Variants in TTK observed in about 807,000 individuals in gnomAD.
TTK encodes dual specificity protein kinase TTK.
In TTK, 59 loss-of-function variants were observed where a neutral mutation model predicts 117.3. The observed-to-expected ratio is 0.50, with a 90% CI of 0.41 to 0.62. The LOEUF (loss-of-function observed/expected upper bound fraction) is 0.62, where lower values mean the gene tolerates loss of function less well. Among genes scored for constraint, TTK ranks in the 20% least tolerant of loss-of-function variants. TTK has a pLI of 0.00. For synonymous variants in TTK, 302 were observed against 325.0 expected (o/e 0.93, Z 0.76); for missense variants, 921 against 989.4 (o/e 0.93, Z 0.93).
chr6:80,016,570 C>A (rs1436562088), intron 10 of TTK, among the ~76,000 whole-genome samples: 1 of 151,954 alleles, frequency 6.6e-6, no homozygotes, highest in East Asian at 1.9e-4. Flanking sequence ...GTTGGTTTTT[C>A]TTTCTTTTTC....
At chr6:80,031,423 T>C in intron 13 of TTK, 44 bp from the exon 14 acceptor site, 1 of 1,189,794 alleles carries the variant, frequency 8.4e-7, no homozygotes, top group Non-Finnish European at 1.1e-6. Context: ...GCTAGTTTCT[T>C]AGGTATATTG....
chr6:80,031,077 A>C (rs78130963), intron 13 of TTK, among the ~76,000 whole-genome samples: 2,620 of 151,494 alleles, frequency 0.017, 64 homozygotes, highest in African/African-American at 0.06. Flanking sequence ...ATGCAGCTAT[A>C]ATTATGTGTG....
chr6:80,007,259 G>T (rs560963045), intron 2 of TTK, among the ~76,000 whole-genome samples: 16 of 152,180 alleles, frequency 1.1e-4, no homozygotes, highest in African/African-American at 3.9e-4. Flanking sequence ...AGAAGAAAAT[G>T]ATTGTCTCAT....
At chr6:80,019,400 C>T (rs1464733940) in intron 10 of TTK, among the ~76,000 whole-genome samples, 1 of 152,192 alleles carries the variant, frequency 6.6e-6, no homozygotes, top group Non-Finnish European at 1.5e-5. Flanking sequence ...CTGAAACATG[C>T]TTTCCCATAA....
intron 19 of TTK, 104 bp from the exon 20 acceptor site, chr6:80,040,091 TA>T: frequency 9.4e-6 from 10 of 1,062,576 alleles, no homozygotes; most frequent in Non-Finnish European, 1.3e-5. Flanking sequence ...GTGGGATATC[TA>T]AAAAGTAACT....
intron 6 of TTK, 22 bp from the exon 7 acceptor site, chr6:80,011,707 G>A (rs1767161179): frequency 6.2e-7 from 1 of 1,610,072 alleles, no homozygotes; most frequent in Admixed American, 1.7e-5. Context: ...TGAAAAATTG[G>A]GGGTATTTTC....
chr6:80,015,382 A>G (rs1767280386), intron 10 of TTK, among the ~76,000 whole-genome samples: 1 of 152,192 alleles, frequency 6.6e-6, no homozygotes, highest in Non-Finnish European at 1.5e-5. Context: ...CATTAAAGAT[A>G]TTTAAACAGA....
intron 10 of TTK, 117 bp from the exon 11 acceptor site, chr6:80,022,207 C>T: frequency 8.8e-7 from 1 of 1,140,444 alleles, no homozygotes; most frequent in East Asian, 2.6e-5. Context: ...TTCTCTCCCT[C>T]CTTGATTGTT....
rs571055947 is a variant in TTK at position 80,030,236 on chromosome 6, T to C, written c.1522-1231T>C. On this transcript the variant is annotated intron_variant, in intron 13 of 21. Coordinates refer to ENST00000369798, the MANE Select transcript of TTK (RefSeq NM_003318.5). Reference sequence around the variant, plus strand: ...GGAGGTCTTTTTGTTTCACCTTCTTTATCAGCTCAGAATAAGTCCTCTCAG... The same window carrying C: ...GGAGGTCTTTTTGTTTCACCTTCTTCATCAGCTCAGAATAAGTCCTCTCAG... Among the ~76,000 whole-genome samples the C allele has an allele frequency of 1.6e-3, 250 of 152,324 alleles. 1 individual carries two copies. Among genetic ancestry groups the C allele is most frequent in the Non-Finnish European group, 2.0e-3 (134 of 68,016 alleles).
Position 80,039,810 on chromosome 6 carries a change from G to C in TTK, c.2245G>C (p.Asp749His). The change falls in exon 19 of 22, where the codon GAT becomes CAT. Residue 749 changes from aspartate (D) to histidine (H), a missense_variant. By Grantham distance (81) the Asp-to-His change is moderately conservative. Transcript: ENST00000369798. ...NQISKLHAII[D>H]PNHEIEFPDI... ...GATTTCTAAATTACATGCCATAATT[G>C]ATCCTAATCATGAAATTGAATTTCC... is the stretch of plus-strand genomic sequence containing the variant. 6.3e-7 allele frequency: 1 copy of C among 1,587,066 alleles called. No homozygotes were observed. Among genetic ancestry groups the C allele is most frequent in the Non-Finnish European group, 8.6e-7 (1 of 1,168,118 alleles).
intron 4 of TTK, among the ~76,000 whole-genome samples, 196 bp downstream of exon 4, chr6:80,008,688 A>G (rs1767060970): frequency 6.6e-6 from 1 of 152,180 alleles, no homozygotes. Context: ...TTCCATGTAT[A>G]AAGAGTAATC....
intron 16 of TTK, among the ~76,000 whole-genome samples, chr6:80,035,964 A>ATC (rs1056012596): frequency 7.2e-5 from 11 of 151,760 alleles, no homozygotes; most frequent in African/African-American, 2.4e-4. Context: ...TCTCCTCCTC[A>ATC]TCTCTCTCTC....
intron 14 of TTK, among the ~76,000 whole-genome samples, chr6:80,034,169 C>G (rs975371325): frequency 4.6e-5 from 7 of 152,072 alleles, no homozygotes; most frequent in African/African-American, 1.7e-4. Context: ...GAAACTAATA[C>G]CATTTATGCT....
rs1768071374 is a variant in TTK at position 80,042,285 on chromosome 6, T to C, written c.*83T>C. On this transcript the variant is annotated 3_prime_UTR_variant, in exon 22 of 22. Transcript: ENST00000369798. ...CTTGAATCCCTGTGGAAATCTACAT[T>C]TGAAGACAACATCACTCTGAAGTGT... 2 of 1,119,432 alleles carry C rather than the reference T, an allele frequency of 1.8e-6. No individual in the cohort carries two copies. The highest frequency in any genetic ancestry group is 1.6e-5 in the African/African-American group (1 of 64,110). 69.3% of individuals were successfully genotyped at this position (1,119,432 alleles called of 1,614,324 possible).
At chr6:80,037,101 A>G (rs1767925492) in intron 17 of TTK, among the ~76,000 whole-genome samples, 1 of 152,194 alleles carries the variant, frequency 6.6e-6, no homozygotes, top group Non-Finnish European at 1.5e-5. Flanking sequence ...TGCAACAGCA[A>G]ACTAAAAGAC....
intron 18 of TTK, among the ~76,000 whole-genome samples, chr6:80,038,330 T>C (rs959856003): frequency 6.6e-6 from 1 of 152,188 alleles, no homozygotes; most frequent in Non-Finnish European, 1.5e-5. Flanking sequence ...GAGTTTGCGT[T>C]AGCCTCATGG....
intron 13 of TTK, among the ~76,000 whole-genome samples, chr6:80,028,609 C>T (rs239581): frequency 0.62 from 93,906 of 151,946 alleles, 29,461 homozygotes; most frequent in Admixed American, 0.73. Context: ...TGAGCCACTG[C>T]GCCTGGCCAG....
chr6:80,019,643 A>G (rs1767404728), intron 10 of TTK, among the ~76,000 whole-genome samples: 1 of 152,206 alleles, frequency 6.6e-6, no homozygotes, highest in South Asian at 2.1e-4. Context: ...ACAGGTAAAC[A>G]ACCTAAGTAA....
intron 13 of TTK, among the ~76,000 whole-genome samples, 173 bp downstream of exon 13, chr6:80,028,184 G>T (rs1767656486): frequency 6.6e-6 from 1 of 151,912 alleles, no homozygotes; most frequent in South Asian, 2.1e-4. Context: ...GCTTTGAGAG[G>T]TTGGTTATTG....
Sources: allele counts gnomAD v4.1 joint callset (sites outside exome capture counted in the v4.1 genomes callset), GRCh38; gene constraint gnomAD v4.1.1; transcripts MANE v1.5; gene names NCBI Gene and HGNC (gene_info 2026-07-23, HGNC 2026-07-21).